The following CYP1B1 variants were observed in gnomAD, a reference collection of about 807,000 sequenced individuals.
CYP1B1 encodes cytochrome P450 family 1 subfamily B member 1, also known as cytochrome P450 1B1.
In CYP1B1, 22 loss-of-function variants were observed where a neutral mutation model predicts 29.9. That is an observed-to-expected ratio of 0.74 (90% CI 0.53 to 1.05). The LOEUF (loss-of-function observed/expected upper bound fraction) is 1.05, where lower values mean the gene tolerates loss of function less well. Ranked by LOEUF, CYP1B1 falls within the 50% of genes least tolerant of loss-of-function variation. The pLI is 0.00. For missense variants in CYP1B1, 883 were observed against 746.9 expected, an observed-to-expected ratio of 1.18 and a Z score of -2.12; for synonymous variants, 375 against 320.0, an observed-to-expected ratio of 1.17 and a Z score of -1.83.
At position 38,070,742 on chromosome 2, in the gene CYP1B1, C is replaced by T; in HGVS notation, c.1612G>A (p.Ala538Thr). ...GCTTCTTATTGGCAAGTTTCCTTGG[C>T]TTGTAAATTTTGGACAGCACTATCA... is the stretch of plus-strand genomic sequence containing the variant. ...LLDSAVQNLQ[A>T]KETCQ Residue 538 changes from alanine (A) to threonine (T), a missense_variant, in exon 3 of 3, where the codon GCC (alanine) becomes ACC (threonine). Ala to Thr is a moderately conservative substitution (Grantham distance 58). Transcript: ENST00000610745. 6.2e-7 allele frequency: 1 copy of T among 1,614,164 alleles called. No homozygotes were observed. Among genetic ancestry groups the T allele is most frequent in the South Asian group, 1.1e-5 (1 of 91,072 alleles).
rs761360054 is a variant in CYP1B1, at chr2:38,075,305, C to T, written c.84G>A (p.Ser28=). The change falls in exon 2 of 3, where the codon TCG becomes TCA. Residue 28 remains serine, a synonymous_variant. Transcript: ENST00000610745. ...IQQTTLLLLL[S]VLATVHVGQR... ...GGCCCACATGCACAGTGGCCAGCAC[C>T]GACAGGAGTAGCAGGAGCGTGGTCT... The T allele has an allele frequency of 2.5e-6, 4 of 1,611,478 alleles. No individual in the cohort carries two copies. The highest frequency in any genetic ancestry group is 2.2e-5 in the South Asian group (2 of 90,690).
chr2:38,072,002 C>A (rs1049894872), intron 2 of CYP1B1, among the ~76,000 whole-genome samples: 5 of 152,010 alleles, frequency 3.3e-5, no homozygotes, highest in African/African-American at 1.2e-4. Context: ...AATTTGAAAG[C>A]AAATACCCAA....
At position 38,074,963 on chromosome 2, in the gene CYP1B1, C is replaced by A. The variant is rs1015320759; in HGVS notation, c.426G>T (p.Lys142Asn). ...TGCTGTGGGCTGCGCGCCGCTGCAC[C>A]TTCCAGTGCTCCGAGTAGTGGCCGA... ...MAFGHYSEHW[K>N]VQRRAAHSMM... Residue 142 changes from lysine (K) to asparagine (N), a missense_variant, in exon 2 of 3, where the codon AAG becomes AAT. Transcript: ENST00000610745. 3.8e-6 allele frequency: 6 copies of A among 1,578,722 alleles called. No homozygotes were observed. The African/African-American group carries it at 6.7e-5, about 18-fold the overall frequency.
rs1682533229 is a variant in CYP1B1, at chr2:38,076,031, A to C, written c.-253T>G. The stretch of plus-strand genomic sequence containing the variant: ...TGCCCTTGGGGACCTGGCAAAGTCG[A>C]GGTTTCCTCACAGCGTTGAGATTGA... On this transcript the variant is annotated 5_prime_UTR_variant, in exon 1 of 3. Coordinates refer to ENST00000610745, the MANE Select transcript of CYP1B1 (RefSeq NM_000104.4). The C allele has an allele frequency of 6.4e-6, 1 of 155,908 alleles. No individual in the cohort carries two copies. Among genetic ancestry groups the C allele is most frequent in the African/African-American group, 2.4e-5 (1 of 41,466 alleles). 9.7% of individuals were successfully genotyped at this position (155,908 alleles called of 1,614,324 possible). A position where few individuals can be genotyped will look rare whatever the true frequency, so the allele number is the denominator to read the frequency against.
chr2:38,071,664 CT>C (rs1271928596), intron 2 of CYP1B1, among the ~76,000 whole-genome samples: 1 of 152,112 alleles, frequency 6.6e-6, no homozygotes, highest in Non-Finnish European at 1.5e-5. Context: ...GCTCACAACA[CT>C]TTTTAGGGGC....
At position 38,075,007 on chromosome 2, in the gene CYP1B1, C is replaced by T. The variant is rs200998372; in HGVS notation, c.382G>A (p.Gly128Ser). ...PAFASFRVVS[G>S]GRSMAFGHYS... ...TGGCCGAAAGCCATGCTGCGGCCGC[C>T]GGACACCACACGGAAGGAGGCGAAG... Residue 128 changes from glycine (G) to serine (S), a missense_variant, in exon 2 of 3, where the codon GGC becomes AGC. Transcript: ENST00000610745. 52 of 1,590,372 alleles carry T rather than the reference C, an allele frequency of 3.3e-5. No individual in the cohort carries two copies. Among genetic ancestry groups the T allele is most frequent in the Non-Finnish European group, 4.0e-5 (47 of 1,176,412 alleles).
Position 38,068,777 on chromosome 2 carries a change from T to G in CYP1B1, c.*1945A>C, listed in dbSNP as rs747724277. On this transcript the variant is annotated 3_prime_UTR_variant, in exon 3 of 3. Coordinates refer to ENST00000610745, the MANE Select transcript of CYP1B1 (RefSeq NM_000104.4). ...TTTAATAGCCTATTTGAGATTTAAC[T>G]CTGCTACGCCAAACATCTTTCTTCT... is the stretch of plus-strand genomic sequence containing the variant. 3 of 224,930 alleles carry G rather than the reference T, an allele frequency of 1.3e-5. No individual in the cohort carries two copies. Among genetic ancestry groups the G allele is most frequent in the Non-Finnish European group, 2.7e-5 (3 of 112,648 alleles). 13.9% of individuals were successfully genotyped at this position (224,930 alleles called of 1,614,324 possible). A position where few individuals can be genotyped will look rare whatever the true frequency, so the allele number is the denominator to read the frequency against.
chr2:38,072,455 T>C (rs1012455240), intron 2 of CYP1B1, among the ~76,000 whole-genome samples: 11 of 151,800 alleles, frequency 7.2e-5, no homozygotes, highest in Non-Finnish European at 1.3e-4. Context: ...TATATAACTA[T>C]ACATTATCAT....
At chr2:38,071,511 A>G (rs956616198) in intron 2 of CYP1B1, among the ~76,000 whole-genome samples, 3 of 152,224 alleles carry the variant, frequency 2.0e-5, no homozygotes, top group African/African-American at 7.2e-5. Context: ...TTTAAGAATT[A>G]TATTTCCTGT....
chr2:38,071,558 A>T (rs1213019056), intron 2 of CYP1B1, among the ~76,000 whole-genome samples: 2 of 152,334 alleles, frequency 1.3e-5, no homozygotes, highest in African/African-American at 2.4e-5. Flanking sequence ...CTTTCCCATT[A>T]TAAGTCAAAA....
chr2:38,075,308 C>G lies in CYP1B1; in HGVS notation c.81G>C (p.Leu27=), dbSNP rs4987135. Residue 27 remains leucine, a synonymous_variant, in exon 2 of 3, where the codon CTG becomes CTC. Coordinates refer to ENST00000610745, the MANE Select transcript of CYP1B1 (RefSeq NM_000104.4). ...CCACATGCACAGTGGCCAGCACCGA[C>G]AGGAGTAGCAGGAGCGTGGTCTGCT... The part of the protein sequence containing the change: ...SIQQTTLLLL[L]SVLATVHVGQ... 2 of 1,611,916 alleles carry G rather than the reference C, an allele frequency of 1.2e-6. No homozygotes were observed. The highest frequency in any genetic ancestry group is 1.3e-5 in the African/African-American group (1 of 75,052).
Position 38,068,347 on chromosome 2 carries a change from C to T in CYP1B1, c.*2375G>A, listed in dbSNP as rs1456460365. The T allele has an allele frequency of 2.6e-5, 6 of 226,548 alleles. No individual in the cohort carries two copies. Among genetic ancestry groups the T allele is most frequent in the African/African-American group, 1.3e-4 (6 of 44,950 alleles). The allele number at this position is 226,548 out of a possible 1,614,324, so 14.0% of individuals were successfully genotyped here. ...TAAACTCCAAGCACCTTACTTTCTTCCATATAAACACAGCTTTCCTTTTGC... is the reference window on the plus strand; with the variant it reads ...TAAACTCCAAGCACCTTACTTTCTTTCATATAAACACAGCTTTCCTTTTGC... On this transcript the variant is annotated 3_prime_UTR_variant, in exon 3 of 3. Transcript: ENST00000610745.
At position 38,074,526 on chromosome 2, in the gene CYP1B1, G is replaced by A. The variant is rs748916597; in HGVS notation, c.863C>T (p.Ala288Val). ...RHCESLRPGA[A>V]PRDMMDAFIL... ...AAAGGCGTCCATCATGTCGCGGGGG[G>A]CGGCCCCGGGCCGAAGGCTTTCGCA... is the stretch of plus-strand genomic sequence containing the variant. Residue 288 changes from alanine to valine, a missense_variant, in exon 2 of 3, where the codon GCC (alanine) becomes GTC (valine). Coordinates refer to ENST00000610745, the MANE Select transcript of CYP1B1 (RefSeq NM_000104.4). 6.8e-6 allele frequency: 11 copies of A among 1,607,664 alleles called. No homozygotes were observed. The highest frequency in any genetic ancestry group is 1.1e-5 in the South Asian group (1 of 90,212).
chr2:38,071,915 C>G (rs1401235328), intron 2 of CYP1B1, among the ~76,000 whole-genome samples: 2 of 152,128 alleles, frequency 1.3e-5, no homozygotes, highest in Non-Finnish European at 2.9e-5. Context: ...CTGGACAATT[C>G]CAACAGACAT....
At position 38,067,863 on chromosome 2, in the gene CYP1B1, A is replaced by T. The variant is rs1359373757; in HGVS notation, c.*2859T>A. 2 of 187,340 alleles carry T rather than the reference A, an allele frequency of 1.1e-5. No individual in the cohort carries two copies. The highest frequency in any genetic ancestry group is 2.3e-5 in the Non-Finnish European group (2 of 88,562). 11.6% of individuals were successfully genotyped at this position (187,340 alleles called of 1,614,324 possible). A position where few individuals can be genotyped will look rare whatever the true frequency, so the allele number is the denominator to read the frequency against. On this transcript the variant is annotated 3_prime_UTR_variant, in exon 3 of 3. Coordinates refer to ENST00000610745, the MANE Select transcript of CYP1B1 (RefSeq NM_000104.4). ...AAATGTCTACTAAAGTATACCTTTT[A>T]ATCACACAGTTGTGTCACAGCTAAA... is the stretch of plus-strand genomic sequence containing the variant.
At position 38,075,269 on chromosome 2, in the gene CYP1B1, C is replaced by T. The variant is rs767521570; in HGVS notation, c.120G>A (p.Leu40=). The T allele has an allele frequency of 2.5e-6, 4 of 1,604,990 alleles. No individual in the cohort carries two copies. In the South Asian group the frequency reaches 4.4e-5, roughly 18 times the overall value. ...ACCGGAGCTGCCGCCTCCGTTGCCT[C>T]AGCAGCCGCTGGCCCACATGCACAG... ...LATVHVGQRL[L]RQRRRQLRSA... is the part of the protein sequence containing the mutation. Residue 40 remains leucine (L), a synonymous_variant, in exon 2 of 3, where the codon CTG becomes CTA. Transcript: ENST00000610745.
chr2:38,073,511 C>G (rs1176640164), intron 2 of CYP1B1: 2 of 152,230 alleles, frequency 1.3e-5, no homozygotes, highest in Non-Finnish European at 2.9e-5. Flanking sequence ...CCGTGTAAAA[C>G]TTACTTTTCT....
In CYP1B1 at chr2:38,075,238, G is replaced by A. The variant is rs747611859; in HGVS notation, c.151C>T (p.Pro51Ser). 6.3e-6 allele frequency: 10 copies of A among 1,590,808 alleles called. No homozygotes were observed. The highest frequency in any genetic ancestry group is 2.2e-5 in the South Asian group (2 of 89,206). Residue 51 changes from proline (P) to serine (S), a missense_variant, in exon 2 of 3, where the codon CCC becomes TCC. Coordinates refer to ENST00000610745, the MANE Select transcript of CYP1B1 (RefSeq NM_000104.4). ...RQRRRQLRSA[P>S]PGPFAWPLIG... ...AGTGGCCACGCAAACGGGCCCGGGG[G>A]CGCGGACCGGAGCTGCCGCCTCCGT...
Position 38,070,837 on chromosome 2 carries a change from C to T in CYP1B1, c.1517G>A (p.Ser506Asn), listed in dbSNP as rs374261091. 6 of 1,614,072 alleles carry T rather than the reference C, an allele frequency of 3.7e-6. No homozygotes were observed. In the African/African-American group the frequency reaches 8.0e-5, roughly 22 times the overall value. The change falls in exon 3 of 3, where the codon AGT becomes AAT. Residue 506 changes from serine (S) to asparagine (N), a missense_variant. Transcript: ENST00000610745. ...CTTGGGTTTAATGGTTAGACCATAA[C>T]TGAAATTCATTTTCGCAGGCTCATT... ...NPNEPAKMNFSYGLTIKPKSF... is the reference protein window; with the variant it reads ...NPNEPAKMNFNYGLTIKPKSF...
Sources: allele counts gnomAD v4.1 joint callset (sites outside exome capture counted in the v4.1 genomes callset), GRCh38; gene constraint gnomAD v4.1.1; transcripts MANE v1.5; gene names NCBI Gene and HGNC (gene_info 2026-07-23, HGNC 2026-07-21).